GLG1: variants seen among roughly 807,000 people sequenced by gnomAD.
GLG1 encodes golgi glycoprotein 1.
Under a neutral mutation model 160.5 loss-of-function variants are expected in GLG1, and 38 were observed. That is an observed-to-expected ratio of 0.24 (90% CI 0.18 to 0.31). GLG1 has a LOEUF of 0.31. Among genes scored for constraint, GLG1 ranks in the 10% least tolerant of loss-of-function variants. The pLI, the probability that GLG1 is intolerant of heterozygous loss-of-function variation, is 1.00. For missense variants in GLG1, 1,373 were observed against 1,505.2 expected (o/e 0.91, Z 1.45); for synonymous variants, 644 against 543.4 (o/e 1.19, Z -2.57).
intron 15 of GLG1, among the ~76,000 whole-genome samples, chr16:74,470,334 T>TTTCCTTCCCTCCTTCC (rs1166628594): frequency 1.3e-4 from 18 of 133,968 alleles, no homozygotes; most frequent in South Asian, 5.6e-4. Context: ...CCTTTCCTTC[T>TTTCCTTCCCTCCTTCC]TTCCTTCCCT....
chr16:74,515,857 T>C (rs917530005), intron 2 of GLG1, among the ~76,000 whole-genome samples: 2 of 151,344 alleles, frequency 1.3e-5, no homozygotes, highest in African/African-American at 2.5e-5. Context: ...GAGGAAGATC[T>C]ACCAAGCAAA....
chr16:74,493,024 G>C lies in GLG1; in HGVS notation c.1167C>G (p.Asn389Lys), dbSNP rs1264130152. 3 of 1,613,834 alleles carry C rather than the reference G, an allele frequency of 1.9e-6. No homozygotes were observed. Among genetic ancestry groups the C allele is most frequent in the Non-Finnish European group, 2.5e-6 (3 of 1,179,896 alleles). ...GCCTGGCTTCACGCGATCGCGGAAG[G>C]TTTTCCACATTGCACCGGTATTTCT... Reference protein sequence around the residue: ...DLKKYRCNVENLPRSREARLS... With the variant: ...DLKKYRCNVEKLPRSREARLS... Residue 389 changes from asparagine to lysine, a missense_variant, in exon 7 of 26, where the codon AAC becomes AAG. Physicochemically the swap from Asn to Lys is moderately conservative, Grantham distance 94 (BLOSUM62 0). Around this residue, in one of 4 missense-constraint regions of GLG1, gnomAD observed 386 missense variants for 388.5 expected, o/e 0.99. Coordinates refer to ENST00000422840, the MANE Select transcript of GLG1 (RefSeq NM_001145667.2).
intron 3 of GLG1, among the ~76,000 whole-genome samples, chr16:74,507,847 C>T (rs2143484324): frequency 6.6e-6 from 1 of 152,232 alleles, no homozygotes; most frequent in East Asian, 1.9e-4. Context: ...AGTTATTAAG[C>T]AAACATCTTT....
At chr16:74,554,134 G>C (rs1182434374) in intron 1 of GLG1, among the ~76,000 whole-genome samples, 3 of 152,044 alleles carry the variant, frequency 2.0e-5, no homozygotes, top group Non-Finnish European at 4.4e-5. Context: ...ATTACCTTTC[G>C]CACAAAATCA....
At chr16:74,543,444 C>G (rs1281497383) in intron 1 of GLG1, among the ~76,000 whole-genome samples, 2 of 152,214 alleles carry the variant, frequency 1.3e-5, no homozygotes, top group East Asian at 1.9e-4. Context: ...AGCTACTGCA[C>G]TCCAGCCTGG....
chr16:74,494,403 CTTT>C lies in GLG1; in HGVS notation c.1050+354_1050+356del, dbSNP rs3973383. Among the ~76,000 whole-genome samples, 76 of 70,132 alleles carry C rather than the reference CTTT, an allele frequency of 1.1e-3. No individual in the cohort carries two copies. In the South Asian group the frequency reaches 0.017, roughly 16 times the overall value. 46.0% of individuals were successfully genotyped at this position (70,132 alleles called of 152,430 possible). On this transcript the variant is annotated intron_variant, in intron 6 of 25. Transcript: ENST00000422840. ...TATTGTTTCAGAGAAATTGAGAAAG[CTTT>C]TTTTTTTTTTTTTTTTTTGAGACAG...
chr16:74,575,691 C>T (rs374956664), intron 1 of GLG1, among the ~76,000 whole-genome samples: 46 of 152,266 alleles, frequency 3.0e-4, no homozygotes, highest in African/African-American at 1.1e-3. Context: ...CTCTGCCTCC[C>T]GGATTCAAGC....
At chr16:74,544,614 C>T (rs915442845) in intron 1 of GLG1, among the ~76,000 whole-genome samples, 1 of 152,194 alleles carries the variant, frequency 6.6e-6, no homozygotes, top group Non-Finnish European at 1.5e-5. Flanking sequence ...TTAGGCGACC[C>T]TCTTGCCTTA....
chr16:74,499,083 A>G (rs1425677682), intron 4 of GLG1, among the ~76,000 whole-genome samples: 2 of 152,178 alleles, frequency 1.3e-5, no homozygotes, highest in Non-Finnish European at 2.9e-5. Context: ...TACTGCGGAC[A>G]TGAATGAACA....
intron 2 of GLG1, among the ~76,000 whole-genome samples, chr16:74,516,178 T>C (rs1299948090): frequency 1.3e-5 from 2 of 151,496 alleles, no homozygotes; most frequent in African/African-American, 2.4e-5. Context: ...TATCCAGGAA[T>C]TGAACTCAGC....
chr16:74,603,639 T>C (rs1235580162), intron 1 of GLG1, among the ~76,000 whole-genome samples: 3 of 150,010 alleles, frequency 2.0e-5, no homozygotes, highest in Admixed American at 6.7e-5. Flanking sequence ...AAGACACTAG[T>C]GGAAAAAAAA....
chr16:74,471,115 G>C (rs2015193255), intron 15 of GLG1, 58 bp downstream of exon 15: 2 of 924,222 alleles, frequency 2.2e-6, no homozygotes, highest in Admixed American at 1.7e-5. Context: ...AAAAAGGAAA[G>C]GATTCAGTCA....
rs1281321760 is a variant in GLG1 at position 74,603,107 on chromosome 16, ACAACAGCAG to A, written c.438+3541_438+3549del. ...TTCGTCTCAAACAACAACAACAACA[ACAACAGCAG>A]CAGCAGCAGCAGCAGCCAGGCGCAA... On this transcript the variant is annotated intron_variant, in intron 1 of 25. Transcript: ENST00000422840. Among the ~76,000 whole-genome samples the A allele has an allele frequency of 1.4e-3, 219 of 151,434 alleles. 1 individual carries two copies. In the South Asian group the frequency reaches 0.015, roughly 11 times the overall value.
intron 2 of GLG1, among the ~76,000 whole-genome samples, chr16:74,522,064 A>G (rs1470096576): frequency 5.3e-5 from 8 of 152,216 alleles, no homozygotes; most frequent in Non-Finnish European, 1.0e-4. Context: ...AAATTTACCA[A>G]TCAGGGTCAT....
In GLG1 at chr16:74,502,020, G is replaced by A. The variant is rs113695721; in HGVS notation, c.774+1511C>T. On this transcript the variant is annotated intron_variant, in intron 4 of 25. Coordinates refer to ENST00000422840, the MANE Select transcript of GLG1 (RefSeq NM_001145667.2). Reference sequence around the variant, plus strand: ...GTGACAGCCAGACAATACACAGCAAGAAACCCTTCATTTGAACGGTGTGCT... The same window carrying A: ...GTGACAGCCAGACAATACACAGCAAAAAACCCTTCATTTGAACGGTGTGCT... Among the ~76,000 whole-genome samples, 562 of 152,274 alleles carry A rather than the reference G, an allele frequency of 3.7e-3. 2 individuals carry two copies. Among genetic ancestry groups the A allele is most frequent in the African/African-American group, 0.012 (507 of 41,550 alleles).
At chr16:74,553,379 T>C (rs1322025631) in intron 1 of GLG1, among the ~76,000 whole-genome samples, 2 of 152,136 alleles carry the variant, frequency 1.3e-5, no homozygotes, top group Non-Finnish European at 2.9e-5. Flanking sequence ...TCTTCAAAAT[T>C]TGACTATTCT....
chr16:74,506,912 T>C (rs912172852), intron 3 of GLG1, among the ~76,000 whole-genome samples: 3 of 152,126 alleles, frequency 2.0e-5, no homozygotes, highest in Non-Finnish European at 4.4e-5. Context: ...GGGAGCAGAT[T>C]GAAAAGGTAC....
chr16:74,455,981 GC>G (rs1389007913), intron 25 of GLG1, among the ~76,000 whole-genome samples: 1 of 152,094 alleles, frequency 6.6e-6, no homozygotes, highest in African/African-American at 2.4e-5. Flanking sequence ...ATTACCCCTA[GC>G]CCAAGTCTAC....
chr16:74,542,728 A>AG (rs1483019910), intron 1 of GLG1, among the ~76,000 whole-genome samples: 7 of 103,002 alleles, frequency 6.8e-5, no homozygotes, highest in Admixed American at 1.1e-4. Context: ...GAAGGAAGGA[A>AG]GGAAGGGAGG....
Sources: allele counts gnomAD v4.1 joint callset (sites outside exome capture counted in the v4.1 genomes callset), GRCh38; gene constraint gnomAD v4.1.1; regional missense constraint gnomAD v4.1.1; transcripts MANE v1.5; gene names NCBI Gene and HGNC (gene_info 2026-07-23, HGNC 2026-07-21).